The following CCDC7 variants were observed in gnomAD, a reference collection of about 807,000 sequenced individuals.
CCDC7 encodes the protein coiled-coil domain-containing protein 7.
CCDC7 carries 183 observed loss-of-function variants against 196.9 expected under a neutral mutation model. The ratio of observed to expected loss-of-function variants is 0.93; its 90% CI spans 0.82 to 1.05. The LOEUF (loss-of-function observed/expected upper bound fraction) is 1.05, where lower values mean the gene tolerates loss of function less well. CCDC7 is among the 50% of genes least tolerant of loss of function. CCDC7 has a pLI of 0.00. For synonymous variants in CCDC7, 525 were observed against 484.6 expected, an observed-to-expected ratio of 1.08 and a Z score of -1.10; for missense variants, 1,540 against 1,482.2, an observed-to-expected ratio of 1.04 and a Z score of -0.64.
At chr10:32,520,325 A>G (rs560490174) in intron 11 of CCDC7, among the ~76,000 whole-genome samples, 2 of 152,242 alleles carry the variant, frequency 1.3e-5, no homozygotes, top group South Asian at 4.1e-4. Context: ...ACTAATTCAC[A>G]TTCTCACCAA....
intron 28 of CCDC7, among the ~76,000 whole-genome samples, chr10:32,765,360 T>C (rs1484873688): frequency 6.6e-6 from 1 of 152,102 alleles, no homozygotes; most frequent in African/African-American, 2.4e-5. Flanking sequence ...AAGGAAACTA[T>C]GGAGGGCAAG....
At chr10:32,548,190 TG>T (rs779586571) in intron 13 of CCDC7, among the ~76,000 whole-genome samples, 6 of 152,208 alleles carry the variant, frequency 3.9e-5, no homozygotes, top group Non-Finnish European at 7.3e-5. Context: ...TTCTTATTCC[TG>T]GTGCAGGTAG....
At chr10:32,646,878 C>G (rs751679934) in intron 20 of CCDC7, among the ~76,000 whole-genome samples, 1 of 152,172 alleles carries the variant, frequency 6.6e-6, no homozygotes, top group Non-Finnish European at 1.5e-5. Flanking sequence ...ATTATGCCCT[C>G]CAGCTCCATC....
chr10:32,634,448 G>C, intron 19 of CCDC7, 84 bp downstream of exon 20: 1 of 518,106 alleles, frequency 1.9e-6, no homozygotes, highest in Non-Finnish European at 2.9e-6. Flanking sequence ...CCAGGCTGGA[G>C]TGCAGTGGCA....
intron 24 of CCDC7, among the ~76,000 whole-genome samples, chr10:32,707,291 C>A (rs899522966): frequency 2.0e-5 from 3 of 152,156 alleles, no homozygotes; most frequent in Non-Finnish European, 4.4e-5. Context: ...TAAAGACTCT[C>A]AATAAATTAG....
At position 32,793,615 on chromosome 10, in the gene CCDC7, C is replaced by T. The variant is rs190870972; in HGVS notation, c.3014-11400C>T. On this transcript the variant is annotated intron_variant, in intron 29 of 41. Transcript: ENST00000639629. Reference sequence around the variant, plus strand: ...TCCCATACATTTGGTATGTTGCATTCCCATTTTCATTTGTTTCAAGAAATT... The same window carrying T: ...TCCCATACATTTGGTATGTTGCATTTCCATTTTCATTTGTTTCAAGAAATT... Among the ~76,000 whole-genome samples, 648 of 152,176 alleles carry T rather than the reference C, an allele frequency of 4.3e-3. 2 individuals carry two copies. The highest frequency in any genetic ancestry group is 6.1e-3 in the Non-Finnish European group (416 of 67,972).
intron 11 of CCDC7, among the ~76,000 whole-genome samples, chr10:32,527,318 T>G (rs1398016919): frequency 3.3e-5 from 5 of 152,250 alleles, no homozygotes; most frequent in Admixed American, 2.0e-4. Flanking sequence ...CATTTAATAC[T>G]GTCTCTTCTG....
At position 32,565,514 on chromosome 10, in the gene CCDC7, A is replaced by G. The variant is rs11813143; in HGVS notation, c.1135-44A>G. Reference sequence around the variant, plus strand: ...ATACTGGTAAAACTAAATTAATTAAAAATACCAAAGTAAATACCTTTTTTC... The same window carrying G: ...ATACTGGTAAAACTAAATTAATTAAGAATACCAAAGTAAATACCTTTTTTC... On this transcript the variant is annotated intron_variant, in intron 13 of 41. Coordinates refer to ENST00000639629, the Ensembl canonical transcript of CCDC7. The G allele has an allele frequency of 5.4e-3, 8,492 of 1,578,412 alleles. 402 individuals carry two copies. The African/African-American group carries it at 0.098, about 18-fold the overall frequency.
chr10:32,643,107 G>T (rs992563044), intron 20 of CCDC7, among the ~76,000 whole-genome samples: 1 of 152,016 alleles, frequency 6.6e-6, no homozygotes, highest in Non-Finnish European at 1.5e-5. Context: ...TACTAAGAGA[G>T]GCATGTTGAA....
chr10:32,849,027 G>A (rs780773257), intron 39 of CCDC7, among the ~76,000 whole-genome samples: 6 of 151,260 alleles, frequency 4.0e-5, no homozygotes. Context: ...TTCCTAAAGA[G>A]CTATTAAAAT....
chr10:32,596,153 T>C (rs1428155467), intron 18 of CCDC7, among the ~76,000 whole-genome samples: 1 of 152,196 alleles, frequency 6.6e-6, no homozygotes, highest in Non-Finnish European at 1.5e-5. Context: ...TGTTAAAATC[T>C]CCTATTATTA....
At chr10:32,511,755 G>A (rs1333571522) in intron 9 of CCDC7, 14 of 1,523,708 alleles carry the variant, frequency 9.2e-6, no homozygotes, top group Non-Finnish European at 1.3e-5. Flanking sequence ...GCTGACTCAC[G>A]GCCTTCGACT....
At chr10:32,485,113 G>A (rs929373058) in intron 8 of CCDC7, among the ~76,000 whole-genome samples, 14 of 152,338 alleles carry the variant, frequency 9.2e-5, no homozygotes, top group African/African-American at 3.4e-4. Context: ...ATTCGGCTGT[G>A]AATCCATCTG....
At chr10:32,830,709 A>AGGG (rs2135880467) in intron 32 of CCDC7, among the ~76,000 whole-genome samples, 1 of 152,302 alleles carries the variant, frequency 6.6e-6, no homozygotes, top group East Asian at 1.9e-4. Context: ...AATTCACTAG[A>AGGG]GGGGCTCAAG....
chr10:32,614,575 A>T (rs2062569580), intron 18 of CCDC7, among the ~76,000 whole-genome samples: 1 of 152,142 alleles, frequency 6.6e-6, no homozygotes. Context: ...TATATTTCAT[A>T]GTGGTGAAAT....
chr10:32,875,902 T>G (rs143653804), intron 41 of CCDC7, among the ~76,000 whole-genome samples: 4 of 152,186 alleles, frequency 2.6e-5, no homozygotes, highest in Admixed American at 1.3e-4. Context: ...ACATTTTTTT[T>G]GTATGCCAAA....
chr10:32,699,057 CT>C (rs200445589), intron 24 of CCDC7, among the ~76,000 whole-genome samples: 61 of 151,324 alleles, frequency 4.0e-4, no homozygotes, highest in African/African-American at 1.4e-3. Context: ...ATTAAACATT[CT>C]TTTTTTTTAT....
intron 18 of CCDC7, among the ~76,000 whole-genome samples, chr10:32,618,096 T>C (rs2062973991): frequency 6.6e-6 from 1 of 151,974 alleles, no homozygotes; most frequent in Admixed American, 6.6e-5. Flanking sequence ...ATATATTTTC[T>C]ACCCCTTTAC....
At chr10:32,449,890 G>A (rs1392753813), upstream of CCDC7, among the ~76,000 whole-genome samples, 2 of 152,160 alleles carry the variant, frequency 1.3e-5, no homozygotes, top group South Asian at 2.1e-4. Context: ...CAGAGAGTAG[G>A]CAACATTTAT....
Sources: allele counts gnomAD v4.1 joint callset (sites outside exome capture counted in the v4.1 genomes callset), GRCh38; gene constraint gnomAD v4.1.1; transcripts MANE v1.5; gene names NCBI Gene and HGNC (gene_info 2026-07-23, HGNC 2026-07-21).